Variants in RAP1GAP2 observed in about 807,000 individuals in gnomAD.
RAP1GAP2 encodes the protein rap1 GTPase-activating protein 2.
RAP1GAP2 carries 27 observed loss-of-function variants against 95.0 expected under a neutral mutation model. The observed-to-expected ratio is 0.28, with a 90% CI of 0.21 to 0.39. The LOEUF is 0.39. RAP1GAP2 is among the 10% of genes least tolerant of loss of function. The probability of loss-of-function intolerance (pLI) is 1.00; values close to 1 mark genes in which losing one functional copy is unlikely to be tolerated. For synonymous variants in RAP1GAP2, 373 were observed against 380.9 expected, an observed-to-expected ratio of 0.98 and a Z score of 0.24; for missense variants, 771 against 970.0, an observed-to-expected ratio of 0.79 and a Z score of 2.72.
At chr17:2,941,641 G>T (rs1470683297) in intron 3 of RAP1GAP2, among the ~76,000 whole-genome samples, 1 of 150,118 alleles carries the variant, frequency 6.7e-6, no homozygotes, top group Non-Finnish European at 1.5e-5. Context: ...GAGGATGAGG[G>T]ATCAAGACAT....
At position 2,866,822 on chromosome 17, in the gene RAP1GAP2, A is replaced by T. The variant is rs1269832671; in HGVS notation, c.81-38462A>T. Among the ~76,000 whole-genome samples, 2 of 151,300 alleles carry T rather than the reference A, an allele frequency of 1.3e-5. No individual in the cohort carries two copies. Among genetic ancestry groups the T allele is most frequent in the Non-Finnish European group, 2.9e-5 (2 of 67,878 alleles). The stretch of plus-strand genomic sequence containing the variant: ...ACCACGTTGGCCGGGCTGGTCTCGA[A>T]CTCCTGGCCTCAAGCGATCTGCCTG... On this transcript the variant is annotated intron_variant, in intron 2 of 24. Coordinates refer to ENST00000254695, the MANE Select transcript of RAP1GAP2 (RefSeq NM_015085.5). This position sits in a 1 kb window ranked among gnomAD's most constrained non-coding sequence, Gnocchi z 4.0.
chr17:3,019,099 G>T (rs2151641405), intron 18 of RAP1GAP2, among the ~76,000 whole-genome samples: 1 of 152,172 alleles, frequency 6.6e-6, no homozygotes, highest in South Asian at 2.1e-4. Context: ...AACTGAATTT[G>T]AATGCGATTC....
chr17:2,959,391 G>C (rs760828871), intron 4 of RAP1GAP2, among the ~76,000 whole-genome samples: 1 of 152,166 alleles, frequency 6.6e-6, no homozygotes. Context: ...CCTGGGTAGC[G>C]TGCCTGTTCC....
intron 2 of RAP1GAP2, among the ~76,000 whole-genome samples, chr17:2,883,998 G>C (rs1316142210): frequency 6.6e-6 from 1 of 152,218 alleles, no homozygotes; most frequent in Non-Finnish European, 1.5e-5. Context: ...GTGGGCTCCT[G>C]TCAGCCTTCA....
chr17:2,984,338 A>T (rs1314486475), intron 10 of RAP1GAP2, among the ~76,000 whole-genome samples: 1 of 152,030 alleles, frequency 6.6e-6, no homozygotes, highest in African/African-American at 2.4e-5. Flanking sequence ...ACAGAGCGAG[A>T]CTCCATCTCA....
intron 8 of RAP1GAP2, 56 bp from the exon 9 acceptor site, chr17:2,980,231 C>A: frequency 6.4e-7 from 1 of 1,564,050 alleles, no homozygotes; most frequent in Middle Eastern, 1.7e-4. Flanking sequence ...GCACGAGTCC[C>A]CGCGCCCTCA....
At chr17:2,910,954 C>T (rs1421287787) in intron 3 of RAP1GAP2, among the ~76,000 whole-genome samples, 1 of 152,212 alleles carries the variant, frequency 6.6e-6, no homozygotes, top group Non-Finnish European at 1.5e-5. Flanking sequence ...CAGCCTTGGC[C>T]TCCCAAAGTG....
chr17:2,824,862 C>T (rs2070480404), intron 2 of RAP1GAP2, among the ~76,000 whole-genome samples: 1 of 151,608 alleles, frequency 6.6e-6, no homozygotes, highest in African/African-American at 2.4e-5. Context: ...TGTGGTGGTT[C>T]GAAAGGAAGC....
intron 8 of RAP1GAP2, among the ~76,000 whole-genome samples, chr17:2,971,065 C>T (rs149117816): frequency 6.6e-6 from 1 of 152,262 alleles, no homozygotes; most frequent in African/African-American, 2.4e-5. Context: ...ATCAATCCAT[C>T]AATCAGTCGA....
At chr17:2,997,852 G>A (rs1338618911) in intron 13 of RAP1GAP2, among the ~76,000 whole-genome samples, 1 of 151,528 alleles carries the variant, frequency 6.6e-6, no homozygotes, top group Non-Finnish European at 1.5e-5. Flanking sequence ...GAACCCAGGA[G>A]GCGGAGGTTG....
chr17:2,951,231 C>T lies in RAP1GAP2; in HGVS notation c.166-6528C>T, dbSNP rs534385379. ...CACTAACGCTTCACTGACTGTGTGC[C>T]GAGCTGCTTCTCTTTTCTGTCTTTG... On this transcript the variant is annotated intron_variant, in intron 3 of 24. Transcript: ENST00000254695. Among the ~76,000 whole-genome samples, 10 of 152,356 alleles carry T rather than the reference C, an allele frequency of 6.6e-5. No individual in the cohort carries two copies. The East Asian group carries it at 7.7e-4, about 12-fold the overall frequency.
chr17:2,764,870 C>A (rs2068245917), intron 1 of RAP1GAP2, among the ~76,000 whole-genome samples: 1 of 152,150 alleles, frequency 6.6e-6, no homozygotes, highest in Non-Finnish European at 1.5e-5. Flanking sequence ...TCGGAGGCAA[C>A]CAGGTTTACC....
At position 2,965,232 on chromosome 17, in the gene RAP1GAP2, A is replaced by T; in HGVS notation, c.493-308A>T. The T allele has an allele frequency of 2.5e-6, 1 of 403,398 alleles. No individual in the cohort carries two copies. Among genetic ancestry groups the T allele is most frequent in the South Asian group, 2.6e-5 (1 of 38,420 alleles). 25.0% of individuals were successfully genotyped at this position (403,398 alleles called of 1,614,324 possible). Reference sequence around the variant, plus strand: ...GGATCTGTCCCTTACTCATCGTGTCATCCTGGGCAGTGACTTAACCCCCCG... The same window carrying T: ...GGATCTGTCCCTTACTCATCGTGTCTTCCTGGGCAGTGACTTAACCCCCCG... On this transcript the variant is annotated intron_variant, in intron 7 of 24. Coordinates refer to ENST00000254695, the MANE Select transcript of RAP1GAP2 (RefSeq NM_015085.5). The surrounding 1 kb of genome is among the most constrained non-coding windows in gnomAD (Gnocchi z 4.7).
rs1226985971 is a variant in RAP1GAP2, at chr17:2,906,338, C to T, written c.165+970C>T. On this transcript the variant is annotated intron_variant, in intron 3 of 24. Coordinates refer to ENST00000254695, the MANE Select transcript of RAP1GAP2 (RefSeq NM_015085.5). This position sits in a 1 kb window ranked among gnomAD's most constrained non-coding sequence, Gnocchi z 4.3. Reference sequence around the variant, plus strand: ...ACAACCCATAGGAAGCAGATAAAACCCATCCATCTTCCTGTTGTTGTCCTG... The same window carrying T: ...ACAACCCATAGGAAGCAGATAAAACTCATCCATCTTCCTGTTGTTGTCCTG... Among the ~76,000 whole-genome samples, 1 of 152,148 alleles carries T rather than the reference C, an allele frequency of 6.6e-6. No homozygotes were observed. Among genetic ancestry groups the T allele is most frequent in the Non-Finnish European group, 1.5e-5 (1 of 68,032 alleles).
intron 1 of RAP1GAP2, among the ~76,000 whole-genome samples, chr17:2,787,071 C>A (rs1321469983): frequency 6.6e-6 from 1 of 151,364 alleles, no homozygotes; most frequent in Non-Finnish European, 1.5e-5. Context: ...CTGCCCCAGC[C>A]TCCCAAATAG....
chr17:2,961,749 C>T (rs563269022), intron 4 of RAP1GAP2, among the ~76,000 whole-genome samples: 4 of 152,284 alleles, frequency 2.6e-5, no homozygotes, highest in South Asian at 4.1e-4. Context: ...ATAGTAAGTT[C>T]GCAGCAGAAT....
At chr17:2,999,068 C>T (rs778659275) in intron 14 of RAP1GAP2, among the ~76,000 whole-genome samples, 2 of 152,156 alleles carry the variant, frequency 1.3e-5, no homozygotes, top group African/African-American at 2.4e-5. Flanking sequence ...GAGGCAGATA[C>T]GCAAGCACCT....
chr17:2,787,578 T>G (rs1185699153), intron 1 of RAP1GAP2, among the ~76,000 whole-genome samples: 3 of 151,594 alleles, frequency 2.0e-5, no homozygotes, highest in African/African-American at 7.3e-5. Flanking sequence ...TTTTGTTTTG[T>G]TTTTTTTGAG....
intron 3 of RAP1GAP2, among the ~76,000 whole-genome samples, chr17:2,922,683 A>G (rs1208858369): frequency 6.6e-6 from 1 of 152,154 alleles, no homozygotes; most frequent in African/African-American, 2.4e-5. Flanking sequence ...CCTGGTACAT[A>G]TGGGGCCATG....
Sources: allele counts gnomAD v4.1 joint callset (sites outside exome capture counted in the v4.1 genomes callset), GRCh38; gene constraint gnomAD v4.1.1; non-coding constraint Gnocchi (gnomAD v3.1); transcripts MANE v1.5; gene names NCBI Gene and HGNC (gene_info 2026-07-23, HGNC 2026-07-21).